The following CDH20 variants were observed in gnomAD, a reference collection of about 807,000 sequenced individuals.
CDH20 encodes cadherin 20.
In CDH20, 29 loss-of-function variants were observed where a neutral mutation model predicts 74.2. The observed-to-expected ratio is 0.39, with a 90% CI of 0.29 to 0.53. CDH20 has a LOEUF of 0.53. Among genes scored for constraint, CDH20 ranks in the 20% least tolerant of loss-of-function variants. The pLI is 0.69. For synonymous variants in CDH20, 469 were observed against 405.4 expected (o/e 1.16, Z -1.88); for missense variants, 988 against 1,048.3 (o/e 0.94, Z 0.79).
chr18:61,353,357 A>G lies in CDH20; in HGVS notation c.-153+19530A>G, dbSNP rs1426371371. On this transcript the variant is annotated intron_variant, in intron 1 of 11. Transcript: ENST00000262717. This position sits in a 1 kb window ranked among gnomAD's most constrained non-coding sequence, Gnocchi z 4.6. ...GTTCTCAATCTCTCTACATCTGACTACTCATCAAGGCTCACCTCTCCACAA... is the reference window on the plus strand; with the variant it reads ...GTTCTCAATCTCTCTACATCTGACTGCTCATCAAGGCTCACCTCTCCACAA... Among the ~76,000 whole-genome samples the G allele has an allele frequency of 6.6e-6, 1 of 151,950 alleles. No homozygotes were observed. Among genetic ancestry groups the G allele is most frequent in the Non-Finnish European group, 1.5e-5 (1 of 67,982 alleles).
At chr18:61,536,450 C>T in intron 7 of CDH20, 43 bp from the exon 8 acceptor site, 1 of 1,591,034 alleles carries the variant, frequency 6.3e-7, no homozygotes, top group Non-Finnish European at 8.6e-7. Context: ...CTGTCATATG[C>T]TTACCCAAAT....
intron 1 of CDH20, among the ~76,000 whole-genome samples, chr18:61,377,497 G>A (rs888322570): frequency 1.3e-5 from 2 of 149,962 alleles, no homozygotes; most frequent in Admixed American, 6.6e-5. Flanking sequence ...CCTTCCTTCA[G>A]ATTGTCCACC....
intron 7 of CDH20, 152 bp downstream of exon 7, chr18:61,528,372 T>C (rs560980382): frequency 4.0e-4 from 313 of 786,066 alleles, no homozygotes; most frequent in African/African-American, 1.9e-3. Context: ...TTTTTTTTTT[T>C]CCCTTAAATA....
chr18:61,486,566 T>C (rs533983117), intron 1 of CDH20, among the ~76,000 whole-genome samples: 6 of 152,340 alleles, frequency 3.9e-5, no homozygotes, highest in Non-Finnish European at 7.4e-5. Context: ...TGCATTCTGA[T>C]TTAATGTTGA....
chr18:61,492,511 C>G (rs1044815630), intron 2 of CDH20, among the ~76,000 whole-genome samples: 3 of 152,196 alleles, frequency 2.0e-5, no homozygotes, highest in Non-Finnish European at 2.9e-5. Context: ...GACACCTCCC[C>G]ACAGCTAACA....
chr18:61,427,072 G>T (rs746628578), intron 1 of CDH20, among the ~76,000 whole-genome samples: 1 of 152,146 alleles, frequency 6.6e-6, no homozygotes, highest in African/African-American at 2.4e-5. Flanking sequence ...TATTATTATT[G>T]TTGGTAGGGG....
intron 1 of CDH20, among the ~76,000 whole-genome samples, chr18:61,389,585 A>G (rs1448700094): frequency 6.6e-6 from 1 of 152,218 alleles, no homozygotes; most frequent in Non-Finnish European, 1.5e-5. Flanking sequence ...TTTCAGCCCC[A>G]TAAAATTCAG....
At chr18:61,486,599 T>C (rs958696553) in intron 1 of CDH20, among the ~76,000 whole-genome samples, 1 of 149,496 alleles carries the variant, frequency 6.7e-6, no homozygotes, top group African/African-American at 2.5e-5. Context: ...TACACTGTCA[T>C]GTTTCATTGT....
intron 4 of CDH20, among the ~76,000 whole-genome samples, chr18:61,501,953 G>T (rs545311118): frequency 6.6e-6 from 1 of 152,024 alleles, no homozygotes; most frequent in Non-Finnish European, 1.5e-5. Context: ...GCCCATGGGG[G>T]GCCTTTTAAA....
At chr18:61,415,227 C>T (rs1044766244) in intron 1 of CDH20, among the ~76,000 whole-genome samples, 1 of 152,086 alleles carries the variant, frequency 6.6e-6, no homozygotes, top group Non-Finnish European at 1.5e-5. Flanking sequence ...AAAAAATCAT[C>T]GTCATTTATC....
chr18:61,488,031 G>C (rs117218509), intron 1 of CDH20, among the ~76,000 whole-genome samples: 1,572 of 151,458 alleles, frequency 0.01, 23 homozygotes, highest in Non-Finnish European at 0.014. Context: ...CAAAATATAG[G>C]TAAGAAACAA....
At chr18:61,361,854 A>T (rs921938226) in intron 1 of CDH20, among the ~76,000 whole-genome samples, 3 of 152,238 alleles carry the variant, frequency 2.0e-5, no homozygotes, top group Non-Finnish European at 4.4e-5. Context: ...AGAACCAATG[A>T]TACAAGATGC....
intron 1 of CDH20, among the ~76,000 whole-genome samples, chr18:61,424,418 G>C (rs530557967): frequency 2.6e-4 from 40 of 152,200 alleles, no homozygotes; most frequent in Non-Finnish European, 5.3e-4. Context: ...GTGTCTCTCT[G>C]AGCATTGGAA....
intron 6 of CDH20, among the ~76,000 whole-genome samples, chr18:61,517,840 C>T (rs1912057581): frequency 6.6e-6 from 1 of 152,136 alleles, no homozygotes; most frequent in African/African-American, 2.4e-5. Context: ...ATCCCACCCC[C>T]ATGGAGCCCA....
At chr18:61,485,466 C>T (rs923666887) in intron 1 of CDH20, among the ~76,000 whole-genome samples, 3 of 152,202 alleles carry the variant, frequency 2.0e-5, no homozygotes, top group Non-Finnish European at 2.9e-5. Context: ...GTTGCCTCCA[C>T]AGATGGGTGG....
rs371183915 is a variant in CDH20, at chr18:61,353,057, C to G, written c.-153+19230C>G. Among the ~76,000 whole-genome samples the G allele has an allele frequency of 6.6e-6, 1 of 152,228 alleles. No homozygotes were observed. Among genetic ancestry groups the G allele is most frequent in the South Asian group, 2.1e-4 (1 of 4,834 alleles). ...CCTCTTCTCTAGCAACCTTCACATG[C>G]TGTCCATAGCTTCTATTTTATGGCT... On this transcript the variant is annotated intron_variant, in intron 1 of 11. Transcript: ENST00000262717. This position sits in a 1 kb window ranked among gnomAD's most constrained non-coding sequence, Gnocchi z 4.6.
chr18:61,405,003 T>C, intron 1 of CDH20: 1 of 705,712 alleles, frequency 1.4e-6, no homozygotes, highest in Non-Finnish European at 2.6e-6. Context: ...GACACCAGTT[T>C]TGACCAACAT....
Position 61,521,705 on chromosome 18 carries a change from C to T in CDH20, c.1018-6262C>T, listed in dbSNP as rs1017778444. ...TACTGGCAAACTGAATCCAGCAGCA[C>T]ATCAAAAAGATTATCCACCACGATC... is the stretch of plus-strand genomic sequence containing the variant. On this transcript the variant is annotated intron_variant, in intron 6 of 11. Coordinates refer to ENST00000262717, the MANE Select transcript of CDH20 (RefSeq NM_031891.4). Among the ~76,000 whole-genome samples the T allele has an allele frequency of 2.6e-5, 4 of 151,304 alleles. 1 individual carries two copies. The highest frequency in any genetic ancestry group is 6.3e-3 in the Middle Eastern group (2 of 316).
At chr18:61,485,197 G>T (rs1910714548) in intron 1 of CDH20, among the ~76,000 whole-genome samples, 1 of 152,168 alleles carries the variant, frequency 6.6e-6, no homozygotes. Context: ...TCTTAAAAAG[G>T]TAATACTGTA....
Sources: allele counts gnomAD v4.1 joint callset (sites outside exome capture counted in the v4.1 genomes callset), GRCh38; gene constraint gnomAD v4.1.1; non-coding constraint Gnocchi (gnomAD v3.1); transcripts MANE v1.5; gene names NCBI Gene and HGNC (gene_info 2026-07-23, HGNC 2026-07-21).